The following MGAT4C variants were observed in gnomAD, a reference collection of about 807,000 sequenced individuals.
MGAT4C encodes the protein alpha-1,3-mannosyl-glycoprotein 4-beta-N-acetylglucosaminyltransferase C.
In MGAT4C, 19 loss-of-function variants were observed where a neutral mutation model predicts 40.1. The ratio of observed to expected loss-of-function variants is 0.47; its 90% CI spans 0.33 to 0.70. The LOEUF (loss-of-function observed/expected upper bound fraction) is 0.70. Ranked by LOEUF, MGAT4C falls within the 30% of genes least tolerant of loss-of-function variation. The pLI, the probability that MGAT4C is intolerant of heterozygous loss-of-function variation, is 0.02. For synonymous variants in MGAT4C, 181 were observed against 187.1 expected (o/e 0.97, Z 0.27); for missense variants, 491 against 563.2 (o/e 0.87, Z 1.30).
At chr12:86,363,970 TCTCA>T (rs757498073) in intron 3 of MGAT4C, among the ~76,000 whole-genome samples, 39 of 77,612 alleles carry the variant, frequency 5.0e-4, no homozygotes, top group Admixed American at 1.5e-3. Context: ...TCTCTCTCTC[TCTCA>T]CACACACACA....
intron 2 of MGAT4C, among the ~76,000 whole-genome samples, chr12:86,464,526 TAA>T (rs1225796974): frequency 6.6e-6 from 1 of 152,178 alleles, no homozygotes; most frequent in Non-Finnish European, 1.5e-5. Context: ...TCACCTGCAC[TAA>T]AGTTTTGCTT....
intron 2 of MGAT4C, among the ~76,000 whole-genome samples, chr12:86,628,540 C>T (rs1242814701): frequency 6.6e-6 from 1 of 152,176 alleles, no homozygotes; most frequent in African/African-American, 2.4e-5. Flanking sequence ...AGACTAATAG[C>T]AGATCTGTCG....
chr12:86,555,530 A>T (rs1360944474), intron 2 of MGAT4C, among the ~76,000 whole-genome samples: 1 of 152,104 alleles, frequency 6.6e-6, no homozygotes, highest in Non-Finnish European at 1.5e-5. Flanking sequence ...ACCCTGACGC[A>T]CCATAATCTA....
At chr12:86,070,762 C>T (rs1895006955) in intron 1 of MGAT4C, among the ~76,000 whole-genome samples, 1 of 151,986 alleles carries the variant, frequency 6.6e-6, no homozygotes, top group African/African-American at 2.4e-5. Context: ...ACCTTTCCAA[C>T]AGGTCCATGA....
intron 1 of MGAT4C, among the ~76,000 whole-genome samples, chr12:86,788,548 T>G (rs1951972501): frequency 6.6e-6 from 1 of 152,152 alleles, no homozygotes; most frequent in African/African-American, 2.4e-5. Context: ...TTGCCATGGA[T>G]CCTGTCAAAA....
At chr12:86,178,345 T>G (rs980174897) in intron 1 of MGAT4C, among the ~76,000 whole-genome samples, 1 of 152,208 alleles carries the variant, frequency 6.6e-6, no homozygotes, top group Non-Finnish European at 1.5e-5. Context: ...AGTTGATAAT[T>G]TGCATAGAGC....
At chr12:86,237,440 AATT>A (rs560511030) in intron 1 of MGAT4C, among the ~76,000 whole-genome samples, 5 of 152,006 alleles carry the variant, frequency 3.3e-5, no homozygotes, top group African/African-American at 1.2e-4. Context: ...ATAAAATAAA[AATT>A]ATTATTTACA....
chr12:86,763,662 G>T (rs895102588), intron 1 of MGAT4C, among the ~76,000 whole-genome samples: 5 of 151,982 alleles, frequency 3.3e-5, no homozygotes, highest in Non-Finnish European at 7.4e-5. Context: ...GTAATCTTTG[G>T]ATTAATTTTT....
intron 4 of MGAT4C, among the ~76,000 whole-genome samples, chr12:86,265,253 C>T (rs968167020): frequency 1.3e-5 from 2 of 152,204 alleles, no homozygotes; most frequent in Admixed American, 6.5e-5. Context: ...GCCTGCCAGG[C>T]CAAAACAGGC....
intron 4 of MGAT4C, among the ~76,000 whole-genome samples, chr12:86,275,925 C>A (rs1953067030): frequency 7.1e-6 from 1 of 141,346 alleles, no homozygotes; most frequent in South Asian, 2.2e-4. Context: ...ACGGTGAAAC[C>A]CCGTCTCTAC....
In MGAT4C at chr12:85,958,389, G is replaced by A. The variant is rs1222696843; in HGVS notation, c.*20900C>T. 2.0e-5 allele frequency: 3 copies of A among 152,000 alleles called. No individual in the cohort carries two copies. The highest frequency in any genetic ancestry group is 6.6e-5 in the Admixed American group (1 of 15,236). The allele number at this position is 152,000 out of a possible 1,614,324, so 9.4% of individuals were successfully genotyped here. On this transcript the variant is annotated 3_prime_UTR_variant, in exon 5 of 5. Coordinates refer to ENST00000611864, the MANE Select transcript of MGAT4C (RefSeq NM_001351288.2). ...CAGTTTTTAAAGTATTTCATACAGT[G>A]TAACTAGGCAGTCAGAAATACCTGT... is the stretch of plus-strand genomic sequence containing the variant.
intron 2 of MGAT4C, among the ~76,000 whole-genome samples, chr12:86,611,161 G>A (rs1962245709): frequency 6.6e-6 from 1 of 152,036 alleles, no homozygotes; most frequent in South Asian, 2.1e-4. Context: ...CATTTCCATG[G>A]CTGCCAAATT....
At chr12:86,195,406 G>A (rs1289812437) in intron 1 of MGAT4C, among the ~76,000 whole-genome samples, 6 of 151,964 alleles carry the variant, frequency 3.9e-5, no homozygotes, top group Non-Finnish European at 5.9e-5. Context: ...AAGTAAACAA[G>A]GTATTTTTTA....
intron 1 of MGAT4C, among the ~76,000 whole-genome samples, chr12:86,200,138 T>TG (rs1366364307): frequency 9.5e-4 from 81 of 84,916 alleles, no homozygotes; most frequent in African/African-American, 2.3e-3. Flanking sequence ...TTTTTTTTTT[T>TG]TTTTTTTTTG....
intron 1 of MGAT4C, among the ~76,000 whole-genome samples, chr12:86,837,042 A>G (rs1953051514): frequency 6.6e-6 from 1 of 152,118 alleles, no homozygotes. Flanking sequence ...TAAGACATTC[A>G]GGAGTGTATG....
intron 1 of MGAT4C, among the ~76,000 whole-genome samples, chr12:86,763,234 T>C (rs1951436716): frequency 6.6e-6 from 1 of 152,244 alleles, no homozygotes; most frequent in Non-Finnish European, 1.5e-5. Flanking sequence ...ATTATCTCTC[T>C]GGCTTATAAA....
rs142787601 is a variant in MGAT4C, at chr12:86,355,106, A to C, written c.-119-20979T>G. Among the ~76,000 whole-genome samples, 180 of 152,236 alleles carry C rather than the reference A, an allele frequency of 1.2e-3. 1 individual carries two copies. The highest frequency in any genetic ancestry group is 0.01 in the Middle Eastern group (3 of 294). Reference sequence around the variant, plus strand: ...GCTGATTGGTGCGTTTTTACAGAGCACTGATTGGTGCATTTTACAAACCTC... The same window carrying C: ...GCTGATTGGTGCGTTTTTACAGAGCCCTGATTGGTGCATTTTACAAACCTC... On this transcript the variant is annotated intron_variant, in intron 3 of 7. Transcript: ENST00000548651.
intron 1 of MGAT4C, among the ~76,000 whole-genome samples, chr12:86,759,128 T>C (rs1418045900): frequency 5.9e-5 from 9 of 152,084 alleles, no homozygotes; most frequent in Non-Finnish European, 8.8e-5. Context: ...ATGAGTAAGA[T>C]CATGTGGTAT....
chr12:86,067,334 T>C (rs1894642368), intron 1 of MGAT4C, among the ~76,000 whole-genome samples: 1 of 152,174 alleles, frequency 6.6e-6, no homozygotes, highest in African/African-American at 2.4e-5. Flanking sequence ...ATAGACTGGA[T>C]AAAGAAAATG....
Sources: gnomAD v4.1 joint callset for allele counts (sites outside exome capture counted in the v4.1 genomes callset) on GRCh38, gnomAD v4.1.1 for gene constraint, MANE v1.5 for transcripts, NCBI Gene and HGNC (gene_info 2026-07-23, HGNC 2026-07-21) for gene names.